CACNA1A: variants seen among roughly 807,000 people sequenced by gnomAD.
The protein encoded by CACNA1A is voltage-dependent P/Q-type calcium channel subunit alpha-1A.
CACNA1A carries 57 observed loss-of-function variants against 262.4 expected under a neutral mutation model. The observed-to-expected ratio is 0.22, with a 90% CI of 0.18 to 0.27. The LOEUF (loss-of-function observed/expected upper bound fraction) is 0.27, where lower values mean the gene tolerates loss of function less well. Ranked by LOEUF, CACNA1A falls within the 10% of genes least tolerant of loss-of-function variation. The pLI is 1.00. For synonymous variants in CACNA1A, 1,431 were observed against 1,419.3 expected (o/e 1.01, Z -0.18); for missense variants, 2,526 against 3,562.8 (o/e 0.71, Z 7.41).
chr19:13,350,463 C>T (rs1286960163), intron 6 of CACNA1A, among the ~76,000 whole-genome samples: 2 of 152,178 alleles, frequency 1.3e-5, no homozygotes, highest in African/African-American at 2.4e-5. Context: ...AAAATAATTA[C>T]CCCTTTACTT....
intron 3 of CACNA1A, among the ~76,000 whole-genome samples, chr19:13,390,920 C>T (rs557345305): frequency 6.6e-6 from 1 of 152,050 alleles, no homozygotes; most frequent in African/African-American, 2.4e-5. Flanking sequence ...CGGAGTCTTG[C>T]TTTGTCGCTA....
At position 13,285,209 on chromosome 19, in the gene CACNA1A, G is replaced by A. The variant is rs1358263484; in HGVS notation, c.3554-3C>T. On this transcript the variant is annotated splice_polypyrimidine_tract_variant and splice_region_variant and intron_variant, in intron 20 of 46. Coordinates refer to ENST00000360228, the MANE Select transcript of CACNA1A (RefSeq NM_001127222.2). ...GTCTGGGTTGGCGTTTTTGTTCACT[G>A]TTGGGACAAGAACCAACACAGGGCT... is the stretch of plus-strand genomic sequence containing the variant. The A allele has an allele frequency of 6.2e-7, 1 of 1,613,812 alleles. No individual in the cohort carries two copies. The highest frequency in any genetic ancestry group is 8.5e-7 in the Non-Finnish European group (1 of 1,179,838).
intron 34 of CACNA1A, among the ~76,000 whole-genome samples, chr19:13,234,408 A>C (rs973531363): frequency 1.3e-5 from 2 of 151,178 alleles, no homozygotes; most frequent in Non-Finnish European, 3.0e-5. Flanking sequence ...GAACGAGTGA[A>C]GGAACTTTTG....
At chr19:13,399,184 C>A (rs192338544) in intron 3 of CACNA1A, among the ~76,000 whole-genome samples, 1 of 152,042 alleles carries the variant, frequency 6.6e-6, no homozygotes, top group Admixed American at 6.5e-5. Context: ...ATTCAGGACA[C>A]CCCACTTTTT....
At chr19:13,312,517 C>T (rs966406957) in intron 12 of CACNA1A, 152 bp downstream of exon 12, 4 of 577,376 alleles carry the variant, frequency 6.9e-6, no homozygotes, top group Admixed American at 4.1e-5. Flanking sequence ...GTATCCTTGC[C>T]AGTGTTTGGG....
At chr19:13,467,377 A>C (rs2061266367) in intron 1 of CACNA1A, among the ~76,000 whole-genome samples, 1 of 151,936 alleles carries the variant, frequency 6.6e-6, no homozygotes, top group Non-Finnish European at 1.5e-5. Context: ...GCTACTGGGG[A>C]GGCTGAGGCA....
rs1000957153 is a variant in CACNA1A at position 13,320,746 on chromosome 19, C to T, written c.1346-3425G>A. On this transcript the variant is annotated intron_variant, in intron 10 of 46. Transcript: ENST00000360228. ...CCTTTTTCTATACATTCCTGTCTCT[C>T]GTTTTTCTCTGTGGTCTGGAATTAT... Among the ~76,000 whole-genome samples, 10 of 152,060 alleles carry T rather than the reference C, an allele frequency of 6.6e-5. No homozygotes were observed. The East Asian group carries it at 7.7e-4, about 12-fold the overall frequency.
In CACNA1A at chr19:13,393,779, C is replaced by CTCCT. The variant is rs375996067; in HGVS notation, c.540-22004_540-22001dup. 1.6e-4 allele frequency among the ~76,000 whole-genome samples: 16 copies of CTCCT among 98,454 alleles called. 1 individual carries two copies. Among genetic ancestry groups the CTCCT allele is most frequent in the African/African-American group, 4.7e-4 (14 of 30,038 alleles). 64.6% of individuals were successfully genotyped at this position (98,454 alleles called of 152,430 possible). A position where few individuals can be genotyped will look rare whatever the true frequency, so the allele number is the denominator to read the frequency against. ...TTCCTTCCCTTCCCTCCCTCCCTCC[C>CTCCT]TCCTTCCTTCCTTCCTTCCCTCCCT... On this transcript the variant is annotated intron_variant, in intron 3 of 46. Coordinates refer to ENST00000360228, the MANE Select transcript of CACNA1A (RefSeq NM_001127222.2).
chr19:13,394,513 G>A (rs2059775889), intron 3 of CACNA1A, among the ~76,000 whole-genome samples: 1 of 152,150 alleles, frequency 6.6e-6, no homozygotes, highest in African/African-American at 2.4e-5. Context: ...AACGTTGTCA[G>A]GGGATTCTGA....
chr19:13,376,574 T>A (rs982354765), intron 3 of CACNA1A, among the ~76,000 whole-genome samples: 1 of 148,800 alleles, frequency 6.7e-6, no homozygotes, highest in Non-Finnish European at 1.5e-5. Context: ...TAATATATGT[T>A]ATATATAACA....
chr19:13,300,621 T>C lies in CACNA1A; in HGVS notation c.2208A>G (p.Lys736=), dbSNP rs2057767891. 6.2e-7 allele frequency: 1 copy of C among 1,613,900 alleles called. No individual in the cohort carries two copies. Residue 736 remains lysine (K), a synonymous_variant, in exon 18 of 47, where the codon AAA becomes AAG. Coordinates refer to ENST00000360228, the MANE Select transcript of CACNA1A (RefSeq NM_001127222.2). ...EQEEEEAANQ[K]LALQKAKEVA... ...CCTCCTTGGCTTTCTGTAGGGCAAG[T>C]TTCTGGTTCGCTGCTTCTTCTTCCT...
At chr19:13,338,607 A>G (rs1022945259) in intron 6 of CACNA1A, among the ~76,000 whole-genome samples, 2 of 152,164 alleles carry the variant, frequency 1.3e-5, no homozygotes, top group African/African-American at 4.8e-5. Context: ...GTTAACGTCA[A>G]GCAAAAGAAG....
intron 1 of CACNA1A, among the ~76,000 whole-genome samples, chr19:13,469,598 G>A (rs2061315536): frequency 6.9e-6 from 1 of 143,986 alleles, no homozygotes; most frequent in Non-Finnish European, 1.5e-5. Context: ...ACAGGCGCCC[G>A]CCACCACGCC....
chr19:13,208,696 C>T, intron 46 of CACNA1A, 60 bp downstream of exon 46: 7 of 1,505,700 alleles, frequency 4.6e-6, no homozygotes, highest in Non-Finnish European at 6.2e-6. Context: ...GGGGTATCCC[C>T]TTCTCTCCTC....
intron 11 of CACNA1A, 50 bp downstream of exon 11, chr19:13,317,062 G>A: frequency 8.3e-7 from 1 of 1,204,608 alleles, no homozygotes; most frequent in Non-Finnish European, 1.2e-6. Context: ...GAAAAAGGGT[G>A]TGAGGGAGGG....
chr19:13,468,679 T>C (rs141510713), intron 1 of CACNA1A, among the ~76,000 whole-genome samples: 112 of 152,130 alleles, frequency 7.4e-4, no homozygotes, highest in Middle Eastern at 3.4e-3. Flanking sequence ...CCCAGCTACT[T>C]AGGAGGCTGA....
At chr19:13,472,012 G>C (rs1388965506) in intron 1 of CACNA1A, among the ~76,000 whole-genome samples, 1 of 152,178 alleles carries the variant, frequency 6.6e-6, no homozygotes, top group Non-Finnish European at 1.5e-5. Flanking sequence ...GCTCAAGCTA[G>C]AGTGCAGGGG....
chr19:13,325,679 T>C (rs1437425908), intron 10 of CACNA1A, among the ~76,000 whole-genome samples: 1 of 152,158 alleles, frequency 6.6e-6, no homozygotes, highest in Non-Finnish European at 1.5e-5. Context: ...AAGCCTGTCT[T>C]GGCATCCCAA....
intron 21 of CACNA1A, among the ~76,000 whole-genome samples, chr19:13,284,776 TTTG>T (rs1383571437): frequency 2.0e-5 from 3 of 152,240 alleles, no homozygotes; most frequent in Non-Finnish European, 2.9e-5. Flanking sequence ...GACAAATTTA[TTTG>T]TTGTTTAGGA....
Sources: gnomAD v4.1 joint callset for allele counts (sites outside exome capture counted in the v4.1 genomes callset) on GRCh38, gnomAD v4.1.1 for gene constraint, MANE v1.5 for transcripts, NCBI Gene and HGNC (gene_info 2026-07-23, HGNC 2026-07-21) for gene names.